Variants in ADGRL2 observed in about 807,000 individuals in gnomAD.
The protein encoded by ADGRL2 is calcium-independent alpha-latrotoxin receptor 2.
Under a neutral mutation model 157.4 loss-of-function variants are expected in ADGRL2, and 44 were observed. The observed-to-expected ratio is 0.28, with a 90% CI of 0.22 to 0.36. The LOEUF is 0.36. Among genes scored for constraint, ADGRL2 ranks in the 10% least tolerant of loss-of-function variants. The pLI, the probability that ADGRL2 is intolerant of heterozygous loss-of-function variation, is 1.00. For synonymous variants in ADGRL2, 585 were observed against 624.7 expected, an observed-to-expected ratio of 0.94 and a Z score of 0.95; for missense variants, 1,510 against 1,768.9, an observed-to-expected ratio of 0.85 and a Z score of 2.63.
intron 2 of ADGRL2, among the ~76,000 whole-genome samples, chr1:81,447,482 T>C (rs2077619588): frequency 1.3e-5 from 2 of 152,204 alleles, no homozygotes; most frequent in Non-Finnish European, 2.9e-5. Flanking sequence ...TAATGTCTAC[T>C]ACCTATAACC....
At chr1:81,625,255 C>A (rs2081886735) in intron 3 of ADGRL2, among the ~76,000 whole-genome samples, 1 of 152,096 alleles carries the variant, frequency 6.6e-6, no homozygotes, top group Non-Finnish European at 1.5e-5. Context: ...ACATCACCTT[C>A]TCTCCCTCTC....
chr1:81,439,249 G>A (rs955456415), intron 1 of ADGRL2, among the ~76,000 whole-genome samples: 1 of 152,084 alleles, frequency 6.6e-6, no homozygotes, highest in Admixed American at 6.5e-5. Flanking sequence ...CTTATTAAGA[G>A]CAAACTCTCA....
At chr1:81,356,952 C>CAAAAAAA (rs757239865) in intron 1 of ADGRL2, among the ~76,000 whole-genome samples, 3,375 of 55,566 alleles carry the variant, frequency 0.061, 282 homozygotes, top group Non-Finnish European at 0.073. Flanking sequence ...GACTCCGTCT[C>CAAAAAAA]AAAAAAAAAA....
At chr1:81,539,644 C>T (rs1223361797) in intron 2 of ADGRL2, among the ~76,000 whole-genome samples, 1 of 152,072 alleles carries the variant, frequency 6.6e-6, no homozygotes, top group Admixed American at 6.6e-5. Context: ...TATAGAAGTT[C>T]TCCCAGCATT....
chr1:81,357,625 A>G (rs1663412489), intron 1 of ADGRL2, among the ~76,000 whole-genome samples: 1 of 152,184 alleles, frequency 6.6e-6, no homozygotes, highest in African/African-American at 2.4e-5. Flanking sequence ...TTATTATTTA[A>G]TCTTTACAAT....
At chr1:81,365,403 C>T (rs1006572363) in intron 1 of ADGRL2, among the ~76,000 whole-genome samples, 19 of 151,842 alleles carry the variant, frequency 1.3e-4, no homozygotes, top group African/African-American at 4.4e-4. Flanking sequence ...CACTTTCATT[C>T]ACATAAAGTA....
At chr1:81,988,152 T>C (rs1663728550) in intron 23 of ADGRL2, among the ~76,000 whole-genome samples, 1 of 152,182 alleles carries the variant, frequency 6.6e-6, no homozygotes, top group South Asian at 2.1e-4. Flanking sequence ...TGAAGTACTG[T>C]CAACCAAAAT....
At chr1:81,978,982 CTTAGTTCTA>C (rs1660910248) in intron 17 of ADGRL2, among the ~76,000 whole-genome samples, 1 of 151,684 alleles carries the variant, frequency 6.6e-6, no homozygotes, top group Non-Finnish European at 1.5e-5. Flanking sequence ...AACAATGTAG[CTTAGTTCTA>C]TTTTTGGAGC....
intron 1 of ADGRL2, among the ~76,000 whole-genome samples, chr1:81,309,902 TTATC>T (rs1659624082): frequency 6.6e-6 from 1 of 152,170 alleles, no homozygotes; most frequent in Non-Finnish European, 1.5e-5. Context: ...ACCTGAGGCT[TTATC>T]TAACTACCTT....
intron 1 of ADGRL2, among the ~76,000 whole-genome samples, chr1:81,339,078 C>A (rs1208327522): frequency 1.3e-5 from 2 of 152,134 alleles, no homozygotes; most frequent in African/African-American, 2.4e-5. Context: ...GAGGTACCAC[C>A]TCTAGATTCC....
intron 2 of ADGRL2, among the ~76,000 whole-genome samples, chr1:81,509,212 C>T (rs1052377760): frequency 6.6e-6 from 1 of 152,146 alleles, no homozygotes; most frequent in African/African-American, 2.4e-5. Flanking sequence ...AGCCAACAAG[C>T]CTGCTAGTAA....
At chr1:81,424,833 G>T (rs1356401380) in intron 1 of ADGRL2, among the ~76,000 whole-genome samples, 4 of 152,046 alleles carry the variant, frequency 2.6e-5, no homozygotes, top group Non-Finnish European at 2.9e-5. Flanking sequence ...CAGTTGCAAG[G>T]GTATTGAGAT....
chr1:81,921,762 A>C (rs926132394), intron 3 of ADGRL2, among the ~76,000 whole-genome samples: 14 of 152,186 alleles, frequency 9.2e-5, no homozygotes, highest in African/African-American at 3.1e-4. Context: ...CTGCTTGTGT[A>C]AACTATAAAT....
intron 1 of ADGRL2, among the ~76,000 whole-genome samples, chr1:81,818,753 A>G (rs181457928): frequency 3.3e-4 from 50 of 152,322 alleles, no homozygotes; most frequent in Non-Finnish European, 6.5e-4. Flanking sequence ...TCATACTACG[A>G]TATCATGCCA....
At chr1:81,490,913 T>G (rs565804648) in intron 2 of ADGRL2, among the ~76,000 whole-genome samples, 1 of 152,222 alleles carries the variant, frequency 6.6e-6, no homozygotes, top group African/African-American at 2.4e-5. Flanking sequence ...AATGGATAAA[T>G]AAAACAGTGA....
intron 1 of ADGRL2, among the ~76,000 whole-genome samples, chr1:81,834,944 A>G (rs1222093819): frequency 6.6e-6 from 1 of 152,144 alleles, no homozygotes; most frequent in African/African-American, 2.4e-5. Flanking sequence ...AGACCACAAT[A>G]GAGGTCTTGA....
chr1:81,701,048 C>A (rs372704330), intron 1 of ADGRL2, among the ~76,000 whole-genome samples: 2 of 152,210 alleles, frequency 1.3e-5, no homozygotes, highest in African/African-American at 4.8e-5. Flanking sequence ...GGCAAGCAGA[C>A]AGGGTACGGC....
chr1:81,513,002 GA>G (rs2079107644), intron 2 of ADGRL2, among the ~76,000 whole-genome samples: 1 of 151,954 alleles, frequency 6.6e-6, no homozygotes. Context: ...AAAAATGCAT[GA>G]ATCTTTAAAT....
chr1:81,465,336 C>T (rs1006235159), intron 2 of ADGRL2, among the ~76,000 whole-genome samples: 56 of 152,024 alleles, frequency 3.7e-4, no homozygotes, highest in African/African-American at 1.3e-3. Flanking sequence ...AATTAGATAT[C>T]AGAAATTAAT....
Sources: allele counts gnomAD v4.1 joint callset (sites outside exome capture counted in the v4.1 genomes callset), GRCh38; gene constraint gnomAD v4.1.1; transcripts MANE v1.5; gene names NCBI Gene and HGNC (gene_info 2026-07-23, HGNC 2026-07-21).